ZMYND8: variants seen among roughly 807,000 people sequenced by gnomAD.
The protein encoded by ZMYND8 is zinc finger MYND-type containing 8, also known as MYND-type zinc finger-containing chromatin reader ZMYND8.
In ZMYND8, 37 loss-of-function variants were observed where a neutral mutation model predicts 140.8. The ratio of observed to expected loss-of-function variants is 0.26; its 90% CI spans 0.20 to 0.35. The LOEUF is 0.35. Among genes scored for constraint, ZMYND8 ranks in the 10% least tolerant of loss-of-function variants. The probability of loss-of-function intolerance (pLI) is 1.00; values close to 1 mark genes in which losing one functional copy is unlikely to be tolerated. For missense variants in ZMYND8, 1,068 were observed against 1,570.0 expected (o/e 0.68, Z 5.40); for synonymous variants, 592 against 597.1 (o/e 0.99, Z 0.12).
intron 12 of ZMYND8, among the ~76,000 whole-genome samples, chr20:47,255,584 G>A (rs74177370): frequency 8.9e-4 from 44 of 49,532 alleles, no homozygotes; most frequent in African/African-American, 4.8e-3. Flanking sequence ...GTGTGTGTGT[G>A]TGTGTGTGTG....
At chr20:47,288,907 G>A (rs879854174) in intron 7 of ZMYND8, among the ~76,000 whole-genome samples, 1 of 152,150 alleles carries the variant, frequency 6.6e-6, no homozygotes, top group Non-Finnish European at 1.5e-5. Context: ...TTCGAGACCA[G>A]CCTGGCCAAT....
intron 4 of ZMYND8, among the ~76,000 whole-genome samples, chr20:47,296,372 T>G (rs575443896): frequency 1.3e-5 from 2 of 152,292 alleles, no homozygotes; most frequent in East Asian, 3.9e-4. Flanking sequence ...TACTGACCAA[T>G]GAGCCCAGGG....
chr20:47,302,722 G>T (rs1267286561), intron 3 of ZMYND8, among the ~76,000 whole-genome samples: 1 of 152,100 alleles, frequency 6.6e-6, no homozygotes, highest in Non-Finnish European at 1.5e-5. Flanking sequence ...GCCCTCATAA[G>T]ACAACGTTGA....
At position 47,255,738 on chromosome 20, in the gene ZMYND8, A is replaced by G. The variant is rs1342119642; in HGVS notation, c.1622-6299T>C. ...TGTATGTGTGTATATATATATATAT[A>G]TATATATATATATATATATATATAT... On this transcript the variant is annotated intron_variant, in intron 12 of 22. Transcript: ENST00000471951. Among the ~76,000 whole-genome samples the G allele has an allele frequency of 2.2e-3, 71 of 31,678 alleles. 1 individual carries two copies. Among genetic ancestry groups the G allele is most frequent in the African/African-American group, 9.1e-3 (56 of 6,168 alleles). The allele number at this position is 31,678 out of a possible 152,430, so 20.8% of individuals were successfully genotyped here.
chr20:47,236,346 T>C lies in ZMYND8; in HGVS notation c.2836A>G (p.Ile946Val), dbSNP rs771366882. The C allele has an allele frequency of 9.9e-6, 16 of 1,614,074 alleles. No homozygotes were observed. Among genetic ancestry groups the C allele is most frequent in the Non-Finnish European group, 1.4e-5 (16 of 1,180,034 alleles). The change falls in exon 16 of 23, where the codon ATT becomes GTT. Residue 946 changes from isoleucine to valine, a missense_variant. Around this residue, in one of 10 missense-constraint regions of ZMYND8, gnomAD observed 87 missense variants for 151.1 expected, o/e 0.58. Transcript: ENST00000471951. Reference sequence around the variant, plus strand: ...CTCACTTTGCTAGTGTACTTGGCAATATCAGCGGCGACATCAGCTGAGGCA... The same window carrying C: ...CTCACTTTGCTAGTGTACTTGGCAACATCAGCGGCGACATCAGCTGAGGCA... ...ATASADVAAD[I>V]AKYTSKMMDA...
intron 12 of ZMYND8, among the ~76,000 whole-genome samples, chr20:47,260,380 C>T (rs1470341261): frequency 6.6e-6 from 1 of 152,160 alleles, no homozygotes; most frequent in Non-Finnish European, 1.5e-5. Context: ...ACGAGGCCCC[C>T]GTACTGTCTC....
chr20:47,355,466 C>G (rs756324426), intron 1 of ZMYND8: 11 of 985,304 alleles, frequency 1.1e-5, no homozygotes, highest in Non-Finnish European at 1.3e-5. Flanking sequence ...AATGTTCAAG[C>G]AACCGTCTCA....
At chr20:47,330,175 C>T (rs2080817077) in intron 2 of ZMYND8, among the ~76,000 whole-genome samples, 1 of 152,036 alleles carries the variant, frequency 6.6e-6, no homozygotes, top group African/African-American at 2.4e-5. Flanking sequence ...GCAAGGTGCA[C>T]ATCACAGGAC....
At chr20:47,233,434 C>T (rs191429785) in intron 16 of ZMYND8, among the ~76,000 whole-genome samples, 40 of 152,208 alleles carry the variant, frequency 2.6e-4, no homozygotes, top group Admixed American at 2.3e-3. Flanking sequence ...GTCTTAAACT[C>T]CTGGCCTCAA....
Position 47,249,376 on chromosome 20 carries a change from G to A in ZMYND8, c.1685C>T (p.Pro562Leu), listed in dbSNP as rs777715778. Reference protein sequence around the residue: ...LSESVQQQSTPVPLISPKRQI... With the variant: ...LSESVQQQSTLVPLISPKRQI... ...GCGCTTGGGAGAGATGAGAGGAACA[G>A]GGGTGGACTGTTGCTGGACCGACTC... The change falls in exon 13 of 23, where the codon CCT becomes CTT. Residue 562 changes from proline to leucine, a missense_variant. By Grantham distance (98) the Pro-to-Leu change is moderately conservative (BLOSUM62 -3). Around this residue, in one of 10 missense-constraint regions of ZMYND8, gnomAD observed 173 missense variants for 223.3 expected, o/e 0.77. Transcript: ENST00000471951. 3.7e-6 allele frequency: 6 copies of A among 1,614,082 alleles called. No homozygotes were observed. The highest frequency in any genetic ancestry group is 4.2e-6 in the Non-Finnish European group (5 of 1,180,044).
intron 14 of ZMYND8, among the ~76,000 whole-genome samples, chr20:47,245,069 CA>C: frequency 6.6e-6 from 1 of 151,950 alleles, no homozygotes. Context: ...CCCCCCTCCC[CA>C]AAAAAGCCAA....
chr20:47,276,505 A>G lies in ZMYND8; in HGVS notation c.1289T>C (p.Leu430Pro). The G allele has an allele frequency of 6.2e-7, 1 of 1,613,642 alleles. No homozygotes were observed. The highest frequency in any genetic ancestry group is 8.5e-7 in the Non-Finnish European group (1 of 1,179,912). ...CCCACTCAGCACAGGCTTGCTCATC[A>G]GGATCTTGGGGGATGCCGTCATGTC... ...NFDMTASPKI[L>P]MSKPVLSGGT... The change falls in exon 11 of 23, where the codon CTG (leucine) becomes CCG (proline). Residue 430 changes from leucine to proline, a missense_variant. Coordinates refer to ENST00000471951, the MANE Select transcript of ZMYND8 (RefSeq NM_001281775.3).
At chr20:47,213,618 C>G (rs1402674203) in intron 21 of ZMYND8, among the ~76,000 whole-genome samples, 1 of 152,120 alleles carries the variant, frequency 6.6e-6, no homozygotes, top group East Asian at 1.9e-4. Flanking sequence ...CTGGCTATGA[C>G]AGGGGTGGGA....
chr20:47,356,323 A>T, intron 1 of ZMYND8: 4 of 1,371,598 alleles, frequency 2.9e-6, no homozygotes, highest in Non-Finnish European at 3.8e-6. Flanking sequence ...AGAGAGAGGG[A>T]AGAGGGAAAG....
rs535146665 is a variant in ZMYND8, at chr20:47,285,481, T to C, written c.804+1748A>G. Among the ~76,000 whole-genome samples, 3 of 152,274 alleles carry C rather than the reference T, an allele frequency of 2.0e-5. No homozygotes were observed. In the South Asian group the frequency reaches 6.2e-4, roughly 32 times the overall value. On this transcript the variant is annotated intron_variant, in intron 8 of 22. Transcript: ENST00000471951. ...TGACTTTCTTCAAGGAAATGCAAAC[T>C]AAAATCACAGTAAGATGCCTACCGT...
intron 2 of ZMYND8, among the ~76,000 whole-genome samples, chr20:47,334,605 A>AAAAAATAT (rs773739583): frequency 1.4e-5 from 2 of 141,704 alleles, no homozygotes; most frequent in East Asian, 2.1e-4. Context: ...GAAAAAAAAA[A>AAAAAATAT]ATATATATAT....
chr20:47,325,792 T>C (rs1393145173), intron 2 of ZMYND8, among the ~76,000 whole-genome samples: 3 of 151,746 alleles, frequency 2.0e-5, no homozygotes, highest in Middle Eastern at 3.4e-3. Flanking sequence ...CATTTTGTTT[T>C]GTTTTTTTTT....
chr20:47,262,282 A>T lies in ZMYND8; in HGVS notation c.1621+6T>A. On this transcript the variant is annotated splice_donor_region_variant and intron_variant, in intron 12 of 22. Coordinates refer to ENST00000471951, the MANE Select transcript of ZMYND8 (RefSeq NM_001281775.3). ...CAGAAAGATACTGGCAAAAATTCTG[A>T]CTGACCCAGGTTAAGATTCAGGATG... The T allele has an allele frequency of 6.2e-7, 1 of 1,614,126 alleles. No individual in the cohort carries two copies. The highest frequency in any genetic ancestry group is 8.5e-7 in the Non-Finnish European group (1 of 1,179,990).
intron 19 of ZMYND8, among the ~76,000 whole-genome samples, chr20:47,223,456 G>A (rs892463113): frequency 6.6e-6 from 1 of 151,984 alleles, no homozygotes; most frequent in African/African-American, 2.4e-5. Context: ...AGTGAGCCGA[G>A]ATCGTGTCAC....
Sources: gnomAD v4.1 joint callset for allele counts (sites outside exome capture counted in the v4.1 genomes callset) on GRCh38, gnomAD v4.1.1 for gene constraint, gnomAD v4.1.1 regional missense constraint, MANE v1.5 for transcripts, NCBI Gene and HGNC (gene_info 2026-07-23, HGNC 2026-07-21) for gene names.